The following TRMT44 variants were observed in gnomAD, a reference collection of about 807,000 sequenced individuals.
TRMT44 encodes probable tRNA (uracil-O(2)-)-methyltransferase.
A neutral mutation model predicts 77.3 loss-of-function variants in TRMT44; 78 were observed. The observed-to-expected ratio is 1.01, with a 90% CI of 0.84 to 1.22. The LOEUF is 1.22. TRMT44 is among the 50% of genes most tolerant of loss of function. The pLI, the probability that TRMT44 is intolerant of heterozygous loss-of-function variation, is 0.00. For synonymous variants in TRMT44, 391 were observed against 383.3 expected (o/e 1.02, Z -0.23); for missense variants, 1,090 against 964.4 (o/e 1.13, Z -1.73).
chr4:8,463,505 G>C (rs1295718556), intron 6 of TRMT44, among the ~76,000 whole-genome samples: 4 of 150,932 alleles, frequency 2.7e-5, no homozygotes, highest in African/African-American at 9.9e-5. Context: ...TAAATTCTCT[G>C]TCTATTCATA....
intron 9 of TRMT44, 63 bp downstream of exon 9, chr4:8,468,409 CG>C (rs1726754581): frequency 6.6e-7 from 1 of 1,518,466 alleles, no homozygotes. Context: ...CAGGAATTCA[CG>C]TCTTCAGAAC....
the TRMT44 span, among the ~76,000 whole-genome samples, chr4:8,513,633 G>C: frequency 6.6e-6 from 1 of 152,194 alleles, no homozygotes; most frequent in Non-Finnish European, 1.5e-5. Flanking sequence ...ACAGTACATA[G>C]ACCTGACAAA....
chr4:8,505,250 T>A, the TRMT44 span, among the ~76,000 whole-genome samples: 2 of 152,206 alleles, frequency 1.3e-5, no homozygotes, highest in Non-Finnish European at 2.9e-5. Context: ...CAGAGCTGCA[T>A]CTTCCATCTG....
chr4:8,508,311 G>A, the TRMT44 span, among the ~76,000 whole-genome samples: 12 of 152,224 alleles, frequency 7.9e-5, no homozygotes, highest in Non-Finnish European at 1.5e-4. Context: ...CTTTCAGGAC[G>A]TGACCTTGTT....
intron 8 of TRMT44, among the ~76,000 whole-genome samples, chr4:8,467,575 G>T (rs1485869414): frequency 9.2e-5 from 14 of 152,174 alleles, no homozygotes; most frequent in African/African-American, 3.4e-4. Flanking sequence ...CTGCCTCCTG[G>T]GTTCAAATGA....
At chr4:8,476,736 A>G (rs1297991825), downstream of TRMT44, 1 of 152,040 alleles carries the variant, frequency 6.6e-6, no homozygotes, top group Admixed American at 6.6e-5. Context: ...AAAAATCCTG[A>G]TTTGTTTCTC....
intron 8 of TRMT44, among the ~76,000 whole-genome samples, chr4:8,467,008 A>G (rs1726606542): frequency 6.6e-6 from 1 of 152,150 alleles, no homozygotes; most frequent in Non-Finnish European, 1.5e-5. Flanking sequence ...CCTGGAGAGG[A>G]AGCCCAGAAA....
intron 7 of TRMT44, 116 bp downstream of exon 7, chr4:8,464,207 G>C (rs1726367879): frequency 1.4e-6 from 1 of 705,672 alleles, no homozygotes; most frequent in Admixed American, 2.8e-5. Flanking sequence ...TGAAATGTGG[G>C]TAGTTCCAAT....
chr4:8,490,923 A>G (rs1296539222), intron 2 of TRMT44, among the ~76,000 whole-genome samples: 1 of 152,176 alleles, frequency 6.6e-6, no homozygotes, highest in East Asian at 1.9e-4. Context: ...CAGATTAGTT[A>G]GATACAGAGT....
At chr4:8,485,608 C>T (rs984437823) in intron 2 of TRMT44, among the ~76,000 whole-genome samples, 2 of 151,856 alleles carry the variant, frequency 1.3e-5, no homozygotes, top group African/African-American at 4.8e-5. Flanking sequence ...GTAGAGATGT[C>T]CCATACTTGT....
At chr4:8,465,179 A>G (rs534434426) in intron 7 of TRMT44, among the ~76,000 whole-genome samples, 199 bp from the exon 8 acceptor site, 1 of 152,360 alleles carries the variant, frequency 6.6e-6, no homozygotes, top group South Asian at 2.1e-4. Context: ...CAGTACACCC[A>G]TGCCACAAAC....
At chr4:8,516,769 C>A in the TRMT44 span, among the ~76,000 whole-genome samples, 1 of 152,204 alleles carries the variant, frequency 6.6e-6, no homozygotes, top group African/African-American at 2.4e-5. Flanking sequence ...CAGAGCAAGA[C>A]CCTGTCTCAA....
intron 9 of TRMT44, among the ~76,000 whole-genome samples, chr4:8,470,252 G>A (rs1726891397): frequency 6.6e-6 from 1 of 152,186 alleles, no homozygotes; most frequent in African/African-American, 2.4e-5. Flanking sequence ...TCTCGCAGCA[G>A]CTGCGACAGC....
At chr4:8,503,290 G>T in the TRMT44 span, among the ~76,000 whole-genome samples, 2 of 152,232 alleles carry the variant, frequency 1.3e-5, no homozygotes, top group Non-Finnish European at 2.9e-5. Context: ...GTCCCCTACA[G>T]CCCCGGAAAG....
the TRMT44 span, among the ~76,000 whole-genome samples, chr4:8,507,776 C>A: frequency 6.6e-6 from 1 of 152,204 alleles, no homozygotes; most frequent in Admixed American, 6.5e-5. Context: ...TTCCGGCCCC[C>A]GCTCCTTCAC....
rs745915221 is a variant in TRMT44 at position 8,449,949 on chromosome 4, CTTTTTTTTTTTT to C, written c.954+75_954+86del. 1,286 of 238,884 alleles carry C rather than the reference CTTTTTTTTTTTT, an allele frequency of 5.4e-3. 1 individual carries two copies. The highest frequency in any genetic ancestry group is 6.0e-3 in the Non-Finnish European group (991 of 165,148). The allele number at this position is 238,884 out of a possible 1,614,324, so 14.8% of individuals were successfully genotyped here. On this transcript the variant is annotated intron_variant, in intron 3 of 10. Transcript: ENST00000389737. ...TCATGATTTTCTTTTCTTTTCTTTT[CTTTTTTTTTTTT>C]TTTTTTTTTTTTTGCGACAGTCTTG...
chr4:8,482,165 C>G (rs1278160995), intron 2 of TRMT44: 2 of 152,206 alleles, frequency 1.3e-5, no homozygotes, highest in East Asian at 3.9e-4. Context: ...CGTCCCTCTT[C>G]CAGTTCCAGC....
intron 10 of TRMT44, among the ~76,000 whole-genome samples, chr4:8,474,335 CAG>C (rs1258472823): frequency 1.3e-5 from 2 of 152,302 alleles, no homozygotes; most frequent in South Asian, 2.1e-4. Context: ...GGGACATGGG[CAG>C]AGTGTCGCGG....
rs765460443 is a variant in TRMT44, at chr4:8,441,182, C to T, written c.360C>T (p.Pro120=). The T allele has an allele frequency of 9.6e-5, 147 of 1,534,164 alleles. No individual in the cohort carries two copies. The highest frequency in any genetic ancestry group is 4.5e-4 in the South Asian group (38 of 83,660). ...CACAGAGGGAAGCCGCCTCAGTGCC[C>T]CTGAGGGACTCCGGGCACCCCGGCC... ...EEAQREAASV[P]LRDSGHPGHA... is the part of the protein sequence containing the mutation. The change falls in exon 1 of 11, where the codon CCC becomes CCT. Residue 120 remains proline (P), a synonymous_variant. Coordinates refer to ENST00000389737, the MANE Select transcript of TRMT44 (RefSeq NM_152544.3).
Sources: allele counts gnomAD v4.1 joint callset (sites outside exome capture counted in the v4.1 genomes callset), GRCh38; gene constraint gnomAD v4.1.1; transcripts MANE v1.5; gene names NCBI Gene and HGNC (gene_info 2026-07-23, HGNC 2026-07-21).